BRD10: variants seen among roughly 807,000 people sequenced by gnomAD.
BRD10 encodes uncharacterized bromodomain-containing protein 10.
At chr9:5,968,804 A>G in the BRD10 span, 1 of 1,613,916 alleles carries the variant, frequency 6.2e-7, no homozygotes, top group Non-Finnish European at 8.5e-7. Flanking sequence ...TGCACCACAG[A>G]ACTGTGGAAA....
chr9:5,970,418 CT>C, the BRD10 span, among the ~76,000 whole-genome samples: 3 of 151,984 alleles, frequency 2.0e-5, no homozygotes, highest in Admixed American at 2.0e-4. Flanking sequence ...AATATGAGTG[CT>C]TTTTTCCCCC....
the BRD10 span, among the ~76,000 whole-genome samples, chr9:6,004,062 CCTTCCTAAAAA>C: frequency 1.3e-5 from 2 of 152,126 alleles, no homozygotes; most frequent in Non-Finnish European, 2.9e-5. Context: ...CCCAGTTAAA[CCTTCCTAAAAA>C]GTTCAGTAGT....
chr9:6,008,193 G>A, the BRD10 span: 2 of 973,000 alleles, frequency 2.1e-6, no homozygotes, highest in East Asian at 1.2e-4. Flanking sequence ...CGAGGAGGAA[G>A]GGGGTTCTCC....
the BRD10 span, among the ~76,000 whole-genome samples, chr9:5,942,463 C>T: frequency 6.6e-6 from 1 of 152,160 alleles, no homozygotes; most frequent in East Asian, 1.9e-4. Flanking sequence ...ATAACATAAA[C>T]ATTCAATAAA....
At chr9:5,983,058 C>G in the BRD10 span, among the ~76,000 whole-genome samples, 1 of 152,186 alleles carries the variant, frequency 6.6e-6, no homozygotes, top group African/African-American at 2.4e-5. Context: ...GGAGAGCCAA[C>G]TGTCCTGGCT....
chr9:5,978,392 T>TA, the BRD10 span, among the ~76,000 whole-genome samples: 3,549 of 84,384 alleles, frequency 0.042, 95 homozygotes, highest in African/African-American at 0.097. Context: ...TGCAATTTAG[T>TA]AAAAAAAAAA....
the BRD10 span, chr9:5,892,598 T>G: frequency 6.5e-7 from 1 of 1,534,990 alleles, no homozygotes; most frequent in Non-Finnish European, 8.9e-7. Context: ...TGCCGTTTGC[T>G]GACACAGCCT....
the BRD10 span, chr9:5,933,763 G>C: frequency 6.4e-6 from 3 of 470,556 alleles, no homozygotes. Context: ...CACAACTAAA[G>C]AACAACTGCA....
At chr9:5,937,822 T>C in the BRD10 span, among the ~76,000 whole-genome samples, 3 of 152,232 alleles carry the variant, frequency 2.0e-5, no homozygotes, top group Admixed American at 1.3e-4. Context: ...ATCTAGTTCT[T>C]AGTTGTGCAG....
At chr9:5,925,245 G>A in the BRD10 span, among the ~76,000 whole-genome samples, 1 of 151,680 alleles carries the variant, frequency 6.6e-6, no homozygotes, top group East Asian at 1.9e-4. Context: ...TGTAATCCCA[G>A]CTATTCGGGA....
At chr9:5,888,840 T>C in the BRD10 span, among the ~76,000 whole-genome samples, 1 of 152,230 alleles carries the variant, frequency 6.6e-6, no homozygotes, top group Non-Finnish European at 1.5e-5. Flanking sequence ...AGTGAAAATT[T>C]AAAAAACGGT....
the BRD10 span, among the ~76,000 whole-genome samples, chr9:5,976,576 T>C: frequency 6.6e-6 from 1 of 152,180 alleles, no homozygotes; most frequent in Non-Finnish European, 1.5e-5. Flanking sequence ...TTATAAAACA[T>C]CTCAGACTGT....
At chr9:5,998,577 G>C in the BRD10 span, among the ~76,000 whole-genome samples, 1 of 151,974 alleles carries the variant, frequency 6.6e-6, no homozygotes, top group Admixed American at 6.6e-5. Context: ...AACCAAGCAT[G>C]ATGATTAAGT....
the BRD10 span, chr9:5,933,691 T>C: frequency 2.3e-6 from 1 of 443,390 alleles, no homozygotes. Flanking sequence ...AACTACACAA[T>C]ATTGTAAAAA....
the BRD10 span, among the ~76,000 whole-genome samples, chr9:5,982,998 T>C: frequency 2.0e-5 from 3 of 152,206 alleles, no homozygotes; most frequent in South Asian, 2.1e-4. Context: ...TGGGAAATAT[T>C]TGGGAAATAA....
chr9:5,951,187 T>C, the BRD10 span, among the ~76,000 whole-genome samples: 8 of 152,034 alleles, frequency 5.3e-5, no homozygotes, highest in Non-Finnish European at 1.2e-4. Flanking sequence ...GTGCAGATAT[T>C]AGGTGTGTAT....
chr9:5,963,551 AC>A, the BRD10 span, among the ~76,000 whole-genome samples: 3 of 150,970 alleles, frequency 2.0e-5, no homozygotes, highest in Non-Finnish European at 4.4e-5. Context: ...ATTGGAAAAA[AC>A]TACTTTAAAG....
At chr9:5,916,658 AG>A in the BRD10 span, among the ~76,000 whole-genome samples, 1 of 152,046 alleles carries the variant, frequency 6.6e-6, no homozygotes, top group Non-Finnish European at 1.5e-5. Context: ...ATGAGAGGAA[AG>A]GGAAGTGCTA....
the BRD10 span, among the ~76,000 whole-genome samples, chr9:5,962,074 G>A: frequency 6.6e-6 from 1 of 152,028 alleles, no homozygotes; most frequent in Non-Finnish European, 1.5e-5. Context: ...TGATGTTAGG[G>A]TGTCAATTTT....
Sources: allele counts gnomAD v4.1 joint callset (sites outside exome capture counted in the v4.1 genomes callset), GRCh38; gene constraint gnomAD v4.1.1; transcripts MANE v1.5; gene names NCBI Gene and HGNC (gene_info 2026-07-23, HGNC 2026-07-21).